FAM222B: variants seen among roughly 807,000 people sequenced by gnomAD.
The protein encoded by FAM222B is protein FAM222B.
In FAM222B, 12 loss-of-function variants were observed where a neutral mutation model predicts 38.0. The ratio of observed to expected loss-of-function variants is 0.32; its 90% confidence interval spans 0.20 to 0.51. FAM222B has a LOEUF of 0.51. Ranked by LOEUF, FAM222B falls within the 20% of genes least tolerant of loss-of-function variation. FAM222B has a pLI of 0.97. For missense variants in FAM222B, 716 were observed against 754.2 expected, an observed-to-expected ratio of 0.95 and a Z score of 0.59; for synonymous variants, 329 against 317.2, an observed-to-expected ratio of 1.04 and a Z score of -0.40.
chr17:28,772,488 G>T (rs1045939011), intron 1 of FAM222B, among the ~76,000 whole-genome samples: 1 of 150,552 alleles, frequency 6.6e-6, no homozygotes, highest in African/African-American at 2.4e-5. Flanking sequence ...ACTTTGGGAG[G>T]CCGAGGCGGG....
At chr17:28,771,006 A>C (rs12948165) in intron 1 of FAM222B, among the ~76,000 whole-genome samples, 1 of 148,662 alleles carries the variant, frequency 6.7e-6, no homozygotes, top group South Asian at 2.1e-4. Context: ...ATATATATAT[A>C]TTTTTTCTTT....
At position 28,759,502 on chromosome 17, in the gene FAM222B, C is replaced by A. The variant is rs1567786799; in HGVS notation, c.457G>T (p.Ala153Ser). The A allele has an allele frequency of 1.9e-6, 3 of 1,575,410 alleles. No homozygotes were observed. Among genetic ancestry groups the A allele is most frequent in the Non-Finnish European group, 2.6e-6 (3 of 1,160,340 alleles). ...TLAHPQAQAL[A>S]RQQALQHAQT... is the part of the protein sequence containing the mutation. ...GCATGCTGCAGGGCCTGCTGGCGGG[C>A]CAGAGCCTGGGCCTGGGGGTGGGCT... Residue 153 changes from alanine (A) to serine (S), a missense_variant, in exon 3 of 3, where the codon GCC (alanine) becomes TCC (serine). Physicochemically the swap from Ala to Ser is moderately conservative, Grantham distance 99 (BLOSUM62 1). Transcript: ENST00000581407. The surrounding 1 kb of genome is among the most constrained non-coding windows in gnomAD (Gnocchi z 4.8).
At chr17:28,844,602 G>C (rs1247922306), upstream of FAM222B, among the ~76,000 whole-genome samples, 1 of 152,094 alleles carries the variant, frequency 6.6e-6, no homozygotes, top group African/African-American at 2.4e-5. Context: ...AGCTTGCAGT[G>C]AGCCGAGATC....
Position 28,766,693 on chromosome 17 carries a change from G to T in FAM222B, c.-26C>A. 6.4e-7 allele frequency: 1 copy of T among 1,565,984 alleles called. No homozygotes were observed. Among genetic ancestry groups the T allele is most frequent in the South Asian group, 1.2e-5 (1 of 86,436 alleles). On this transcript the variant is annotated 5_prime_UTR_variant, in exon 2 of 3. Transcript: ENST00000581407. Reference sequence around the variant, plus strand: ...GGCAGATTGGCATCAACACAACATGGGGCAGTGGCTCACACTGTAATGAAC... The same window carrying T: ...GGCAGATTGGCATCAACACAACATGTGGCAGTGGCTCACACTGTAATGAAC...
At chr17:28,849,896 A>G (rs2039170001) in intron 1 of FAM222B, among the ~76,000 whole-genome samples, 1 of 152,040 alleles carries the variant, frequency 6.6e-6, no homozygotes, top group Non-Finnish European at 1.5e-5. Context: ...AGCCTGACCA[A>G]CATGGAGAAA....
At chr17:28,828,127 T>G (rs865827699) in intron 1 of FAM222B, among the ~76,000 whole-genome samples, 10 of 123,246 alleles carry the variant, frequency 8.1e-5, no homozygotes, top group Admixed American at 1.8e-4. Context: ...TTTTTTTTTT[T>G]GAGACAGAGT....
At chr17:28,847,838 C>T (rs1239074196) in intron 1 of FAM222B, among the ~76,000 whole-genome samples, 2 of 148,586 alleles carry the variant, frequency 1.3e-5, no homozygotes. Context: ...GGTGTGAACC[C>T]GGGAGGCGGA....
Position 28,850,364 on chromosome 17 carries a change from C to T in FAM222B, c.-41+4586G>A, listed in dbSNP as rs560746982. 5.0e-4 allele frequency among the ~76,000 whole-genome samples: 76 copies of T among 151,456 alleles called. 1 individual carries two copies. The highest frequency in any genetic ancestry group is 8.7e-4 in the Non-Finnish European group (59 of 67,886). ...TCGCCCGGGCTGGAGTGCAGTGGTGCGATCTCGGCTCACTGCAAGCCCCGC... is the reference window on the plus strand; with the variant it reads ...TCGCCCGGGCTGGAGTGCAGTGGTGTGATCTCGGCTCACTGCAAGCCCCGC... On this transcript the variant is annotated intron_variant, in intron 1 of 2. Coordinates refer to the FAM222B transcript ENST00000577513.
chr17:28,838,857 A>C (rs556500914), intron 1 of FAM222B, among the ~76,000 whole-genome samples: 1 of 152,046 alleles, frequency 6.6e-6, no homozygotes, highest in South Asian at 2.1e-4. Flanking sequence ...CAATCAGCTG[A>C]GATCTCGCCA....
In FAM222B at chr17:28,759,616, C is replaced by T. The variant is rs2034960640; in HGVS notation, c.343G>A (p.Asp115Asn). Reference protein sequence around the residue: ...VKVPAKSILKDFDGTRARLLP... With the variant: ...VKVPAKSILKNFDGTRARLLP... ...AACCGGGCTCGGGTGCCGTCAAAGTCCTTGAGTATGCTTTTGGCTGGCACT... is the reference window on the plus strand; with the variant it reads ...AACCGGGCTCGGGTGCCGTCAAAGTTCTTGAGTATGCTTTTGGCTGGCACT... The change falls in exon 3 of 3, where the codon GAC becomes AAC. Residue 115 changes from aspartate to asparagine, a missense_variant. Physicochemically the swap from Asp to Asn is conservative, Grantham distance 23. Coordinates refer to ENST00000581407, the MANE Select transcript of FAM222B (RefSeq NM_001077498.3). The surrounding 1 kb of genome is among the most constrained non-coding windows in gnomAD (Gnocchi z 4.8). The T allele has an allele frequency of 1.9e-6, 3 of 1,612,902 alleles. No individual in the cohort carries two copies. The highest frequency in any genetic ancestry group is 1.7e-5 in the Admixed American group (1 of 59,810).
At chr17:28,819,629 T>G (rs1181708115) in intron 1 of FAM222B, among the ~76,000 whole-genome samples, 1 of 152,158 alleles carries the variant, frequency 6.6e-6, no homozygotes, top group Non-Finnish European at 1.5e-5. Flanking sequence ...CTATTCAATA[T>G]AATGGATACA....
chr17:28,779,918 G>A (rs979610479), intron 1 of FAM222B, among the ~76,000 whole-genome samples: 109 of 151,808 alleles, frequency 7.2e-4, no homozygotes, highest in African/African-American at 2.5e-3. Context: ...ACTCAACGGT[G>A]GACAGCTGAA....
intron 1 of FAM222B, among the ~76,000 whole-genome samples, chr17:28,783,912 C>T (rs1035534034): frequency 2.0e-4 from 30 of 152,024 alleles, no homozygotes; most frequent in African/African-American, 7.3e-4. Context: ...GATTCTCCTG[C>T]CTCAGGCTCC....
At chr17:28,794,344 C>T (rs1727616999) in intron 1 of FAM222B, among the ~76,000 whole-genome samples, 1 of 151,868 alleles carries the variant, frequency 6.6e-6, no homozygotes, top group Non-Finnish European at 1.5e-5. Flanking sequence ...TCAAGCCTCC[C>T]AAGTAGCTGG....
chr17:28,770,953 T>C (rs548027727), intron 1 of FAM222B, among the ~76,000 whole-genome samples: 1 of 151,830 alleles, frequency 6.6e-6, no homozygotes, highest in East Asian at 1.9e-4. Flanking sequence ...TATATATATA[T>C]GTGTGTGTGT....
At chr17:28,830,263 G>C (rs1202142670) in intron 1 of FAM222B, among the ~76,000 whole-genome samples, 1 of 149,654 alleles carries the variant, frequency 6.7e-6, no homozygotes, top group African/African-American at 2.5e-5. Flanking sequence ...CCAGGTTTAC[G>C]CCATTCTCCT....
At chr17:28,851,998 G>A (rs1464338688) in intron 1 of FAM222B, among the ~76,000 whole-genome samples, 6 of 152,028 alleles carry the variant, frequency 3.9e-5, no homozygotes, top group Middle Eastern at 3.4e-3. Context: ...GTTGCAGTGC[G>A]CCAAAATTAA....
chr17:28,794,026 G>A (rs1286234095), intron 1 of FAM222B, among the ~76,000 whole-genome samples: 1 of 152,154 alleles, frequency 6.6e-6, no homozygotes, highest in Non-Finnish European at 1.5e-5. Context: ...TGGGATTACA[G>A]GCGTAAGCCA....
chr17:28,787,357 C>A (rs2036461307), intron 1 of FAM222B, among the ~76,000 whole-genome samples: 1 of 152,174 alleles, frequency 6.6e-6, no homozygotes, highest in African/African-American at 2.4e-5. Flanking sequence ...TCCTTCTCCT[C>A]CCCCAGCCTG....
Sources: gnomAD v4.1 joint callset for allele counts (sites outside exome capture counted in the v4.1 genomes callset) on GRCh38, gnomAD v4.1.1 for gene constraint, Gnocchi (gnomAD v3.1) non-coding constraint, MANE v1.5 for transcripts, NCBI Gene and HGNC (gene_info 2026-07-23, HGNC 2026-07-21) for gene names.